Variants in PTPRT observed in about 807,000 individuals in gnomAD.
The protein encoded by PTPRT is receptor-type tyrosine-protein phosphatase T.
PTPRT carries 56 observed loss-of-function variants against 176.8 expected under a neutral mutation model. The ratio of observed to expected loss-of-function variants is 0.32; its 90% confidence interval spans 0.26 to 0.40. The LOEUF is 0.40. PTPRT is among the 10% of genes least tolerant of loss of function. The probability of loss-of-function intolerance (pLI) is 1.00; values close to 1 mark genes in which losing one functional copy is unlikely to be tolerated. For missense variants in PTPRT, 1,540 were observed against 1,908.2 expected (o/e 0.81, Z 3.60); for synonymous variants, 783 against 739.0 (o/e 1.06, Z -0.96).
chr20:42,242,129 A>AT (rs1568701141), intron 14 of PTPRT, among the ~76,000 whole-genome samples: 1 of 152,180 alleles, frequency 6.6e-6, no homozygotes, highest in African/African-American at 2.4e-5. Context: ...ACAAAACAAA[A>AT]TTTTGTGGCA....
intron 7 of PTPRT, among the ~76,000 whole-genome samples, chr20:42,491,246 C>G (rs2071557567): frequency 6.6e-6 from 1 of 152,102 alleles, no homozygotes. Context: ...ATTTTTCAGT[C>G]TGATAACCAA....
intron 5 of PTPRT, among the ~76,000 whole-genome samples, chr20:42,765,839 T>G (rs2076975504): frequency 6.6e-6 from 1 of 152,186 alleles, no homozygotes; most frequent in Non-Finnish European, 1.5e-5. Context: ...TGATATTTAA[T>G]GATACCATTC....
chr20:42,679,734 G>A (rs2075570294), intron 6 of PTPRT, among the ~76,000 whole-genome samples: 1 of 151,070 alleles, frequency 6.6e-6, no homozygotes, highest in Admixed American at 6.6e-5. Flanking sequence ...TTCATATACT[G>A]CTTGAGCTTT....
intron 15 of PTPRT, among the ~76,000 whole-genome samples, chr20:42,207,317 G>C (rs1279609782): frequency 6.6e-6 from 1 of 151,326 alleles, no homozygotes; most frequent in African/African-American, 2.4e-5. Context: ...GCTGAGAGAA[G>C]AAGGCTTCAG....
intron 1 of PTPRT, among the ~76,000 whole-genome samples, chr20:43,155,168 G>T (rs1366211433): frequency 6.6e-6 from 1 of 152,116 alleles, no homozygotes; most frequent in Non-Finnish European, 1.5e-5. Context: ...AAATAGAACT[G>T]CCATATGATC....
intron 9 of PTPRT, among the ~76,000 whole-genome samples, chr20:42,360,513 T>A (rs1275996166): frequency 6.6e-6 from 1 of 152,250 alleles, no homozygotes; most frequent in Non-Finnish European, 1.5e-5. Flanking sequence ...TTTAGTCTCA[T>A]GCTGGGGTGT....
At chr20:42,583,996 GC>G (rs1555883592) in intron 7 of PTPRT, among the ~76,000 whole-genome samples, 5 of 152,100 alleles carry the variant, frequency 3.3e-5, no homozygotes, top group Non-Finnish European at 5.9e-5. Flanking sequence ...ATGCAGGCAC[GC>G]CAGTTAACTG....
intron 7 of PTPRT, among the ~76,000 whole-genome samples, chr20:42,555,698 A>C (rs1261296089): frequency 2.0e-5 from 3 of 152,130 alleles, no homozygotes; most frequent in Non-Finnish European, 4.4e-5. Flanking sequence ...TGTTTTGACA[A>C]ATGGAATATG....
intron 2 of PTPRT, among the ~76,000 whole-genome samples, chr20:42,822,773 C>T (rs1383352804): frequency 6.6e-6 from 1 of 152,112 alleles, no homozygotes. Context: ...GACATTTACG[C>T]AGCCAACAAA....
Position 42,102,237 on chromosome 20 carries a change from G to A in PTPRT, c.3601C>T (p.Arg1201Trp), listed in dbSNP as rs1479203418. 3.1e-6 allele frequency: 5 copies of A among 1,614,040 alleles called. No homozygotes were observed. The highest frequency in any genetic ancestry group is 4.2e-6 in the Non-Finnish European group (5 of 1,180,018). The change falls in exon 26 of 31, where the codon CGG (arginine) becomes TGG (tryptophan). Residue 1201 changes from arginine (R) to tryptophan (W), a missense_variant. Coordinates refer to ENST00000373187, the MANE Select transcript of PTPRT (RefSeq NM_007050.6). Reference protein sequence around the residue: ...PEDCSIGLLPRNHDKNRSMDV... With the variant: ...PEDCSIGLLPWNHDKNRSMDV... ...ATACTTCGATTCTTATCATGGTTCC[G>A]GGGCAGGAGCCCAATGCTGCAGTCC...
chr20:42,942,320 T>A (rs1980605618), intron 1 of PTPRT, among the ~76,000 whole-genome samples: 1 of 152,166 alleles, frequency 6.6e-6, no homozygotes, highest in South Asian at 2.1e-4. Context: ...ACCCAACCCA[T>A]CCGCAGTTTC....
intron 7 of PTPRT, among the ~76,000 whole-genome samples, chr20:42,671,920 C>A (rs974711439): frequency 6.6e-6 from 1 of 152,138 alleles, no homozygotes; most frequent in Admixed American, 6.5e-5. Flanking sequence ...TCAGGTAGTC[C>A]GCATGGAAGA....
At chr20:43,183,074 T>C (rs891201486) in intron 1 of PTPRT, among the ~76,000 whole-genome samples, 1 of 152,236 alleles carries the variant, frequency 6.6e-6, no homozygotes, top group Non-Finnish European at 1.5e-5. Context: ...CAATTTTCAC[T>C]ACTCAAAAAT....
chr20:42,537,562 G>C (rs1379584533), intron 7 of PTPRT, among the ~76,000 whole-genome samples: 1 of 152,146 alleles, frequency 6.6e-6, no homozygotes, highest in Non-Finnish European at 1.5e-5. Context: ...TGGCTTAAGT[G>C]ACTTGCTCAG....
intron 13 of PTPRT, among the ~76,000 whole-genome samples, chr20:42,269,573 T>C (rs1347814518): frequency 6.6e-6 from 1 of 152,214 alleles, no homozygotes; most frequent in Non-Finnish European, 1.5e-5. Flanking sequence ...GGGCTCTGTG[T>C]CCTTTGAAGA....
chr20:42,736,363 G>C (rs1357770731), intron 6 of PTPRT, among the ~76,000 whole-genome samples: 1 of 152,210 alleles, frequency 6.6e-6, no homozygotes, highest in Admixed American at 6.5e-5. Context: ...TGAAGGAAAA[G>C]ATATCGTGAA....
intron 15 of PTPRT, 151 bp downstream of exon 15, chr20:42,236,078 A>G (rs1263031660): frequency 1.7e-6 from 1 of 587,482 alleles, no homozygotes; most frequent in Non-Finnish European, 2.9e-6. Flanking sequence ...CAAATGTAAC[A>G]CATTTATGCA....
intron 1 of PTPRT, among the ~76,000 whole-genome samples, chr20:43,131,241 GAC>G (rs1314166069): frequency 2.6e-5 from 4 of 152,196 alleles, no homozygotes; most frequent in Non-Finnish European, 5.9e-5. Flanking sequence ...GCTGAGCCCT[GAC>G]ACAGCTTCAG....
rs754362528 is a variant in PTPRT at position 42,760,380 on chromosome 20, CTTTTTTTTT to C, written c.685-3753_685-3745del. On this transcript the variant is annotated intron_variant, in intron 5 of 30. Transcript: ENST00000373187. ...TTCTGGCAGTCTGTTTCTAAATCTGCTTTTTTTTTTTTTTTTTTTTTTTTTTTACACATG... is the reference window on the plus strand; with the variant it reads ...TTCTGGCAGTCTGTTTCTAAATCTGCTTTTTTTTTTTTTTTTTTACACATG... 9.6e-5 allele frequency among the ~76,000 whole-genome samples: 9 copies of C among 94,232 alleles called. No individual in the cohort carries two copies. In the South Asian group the frequency reaches 1.4e-3, roughly 14 times the overall value. The allele number at this position is 94,232 out of a possible 152,430, so 61.8% of individuals were successfully genotyped here.
Sources: gnomAD v4.1 joint callset for allele counts (sites outside exome capture counted in the v4.1 genomes callset) on GRCh38, gnomAD v4.1.1 for gene constraint, MANE v1.5 for transcripts, NCBI Gene and HGNC (gene_info 2026-07-23, HGNC 2026-07-21) for gene names.